AGT: variants seen among roughly 807,000 people sequenced by gnomAD.
AGT encodes alpha-1 antiproteinase, antitrypsin.
Under a neutral mutation model 28.1 loss-of-function variants are expected in AGT, and 26 were observed. The observed-to-expected ratio is 0.92, with a 90% CI of 0.68 to 1.28. The LOEUF is 1.28. AGT is among the 50% of genes most tolerant of loss of function. The probability of loss-of-function intolerance (pLI) is 0.00; values close to 1 mark genes in which losing one functional copy is unlikely to be tolerated. For missense variants in AGT, 596 were observed against 592.3 expected (o/e 1.01, Z -0.06); for synonymous variants, 259 against 259.6 (o/e 1.00, Z 0.02).
At position 230,710,050 on chromosome 1, in the gene AGT, C is replaced by G; in HGVS notation, c.774G>C (p.Leu258=). 1.2e-6 allele frequency: 2 copies of G among 1,614,096 alleles called. No individual in the cohort carries two copies. Among genetic ancestry groups the G allele is most frequent in the Non-Finnish European group, 1.7e-6 (2 of 1,180,010 alleles). Residue 258 remains leucine (L), a synonymous_variant, in exon 2 of 5, where the codon CTG becomes CTC. Coordinates refer to ENST00000366667, the MANE Select transcript of AGT (RefSeq NM_001384479.1). ...AVTGWKTGCS[L]MGASVDSTLA... The stretch of plus-strand genomic sequence containing the variant: ...GGGTGCTGTCCACACTGGCTCCCAT[C>G]AGGGAGCAGCCAGTCTTCCATCCTG...
chr1:230,730,956 G>T (rs1163186660), intron 1 of AGT, among the ~76,000 whole-genome samples: 1 of 152,122 alleles, frequency 6.6e-6, no homozygotes, highest in Non-Finnish European at 1.5e-5. Flanking sequence ...GAGTAGTTAT[G>T]AATTAACCTA....
At chr1:230,722,774 T>G (rs1663873412) in intron 1 of AGT, among the ~76,000 whole-genome samples, 1 of 152,206 alleles carries the variant, frequency 6.6e-6, no homozygotes, top group South Asian at 2.1e-4. Flanking sequence ...GTAACTAACT[T>G]GCTTTTGATT....
intron 1 of AGT, among the ~76,000 whole-genome samples, chr1:230,726,855 T>C (rs1039043045): frequency 2.0e-5 from 3 of 152,208 alleles, no homozygotes; most frequent in African/African-American, 7.2e-5. Flanking sequence ...CCAGATGCTA[T>C]GTCTCCCCAA....
At chr1:230,709,866 C>T (rs1392754238) in intron 2 of AGT, 129 bp downstream of exon 2, 3 of 1,403,512 alleles carry the variant, frequency 2.1e-6, no homozygotes, top group African/African-American at 2.8e-5. Context: ...TTCCCCACTT[C>T]TCAAGGGTGG....
In AGT at chr1:230,732,717, C is replaced by T. The variant is rs74866742; in HGVS notation, c.-31+12798G>A. ...GTAACAAAGAGAAAACATATTTACTCTCCATTAAATGGAAGTGGATCATCA... is the reference window on the plus strand; with the variant it reads ...GTAACAAAGAGAAAACATATTTACTTTCCATTAAATGGAAGTGGATCATCA... On this transcript the variant is annotated intron_variant, in intron 1 of 4. Transcript: ENST00000681269. 9.2e-3 allele frequency among the ~76,000 whole-genome samples: 1,397 copies of T among 152,254 alleles called. 8 individuals are homozygous for T. Among genetic ancestry groups the T allele is most frequent in the African/African-American group, 0.028 (1,162 of 41,518 alleles).
intron 1 of AGT, among the ~76,000 whole-genome samples, chr1:230,732,477 G>T (rs1016649383): frequency 6.6e-6 from 1 of 151,996 alleles, no homozygotes; most frequent in Non-Finnish European, 1.5e-5. Context: ...CAGCACTGGG[G>T]TTAGAGGCAC....
upstream of AGT, among the ~76,000 whole-genome samples, chr1:230,719,406 G>T (rs55918707): frequency 8.6e-4 from 86 of 100,226 alleles, no homozygotes; most frequent in East Asian, 8.3e-3. Flanking sequence ...TTATCATTAT[G>T]TTTTTTTTTT....
chr1:230,744,854 A>T (rs1664314907), intron 1 of AGT, among the ~76,000 whole-genome samples: 1 of 152,182 alleles, frequency 6.6e-6, no homozygotes, highest in Non-Finnish European at 1.5e-5. Flanking sequence ...ATTTACTTCA[A>T]GGTCCTTTCT....
At position 230,705,796 on chromosome 1, in the gene AGT, C is replaced by T. The variant is rs530553482; in HGVS notation, c.1097+137G>A. The T allele has an allele frequency of 2.6e-5, 29 of 1,132,910 alleles. No individual in the cohort carries two copies. The African/African-American group carries it at 3.5e-4, about 14-fold the overall frequency. 70.2% of individuals were successfully genotyped at this position (1,132,910 alleles called of 1,614,324 possible). A position where few individuals can be genotyped will look rare whatever the true frequency, so the allele number is the denominator to read the frequency against. ...GGTAGACAGACACACAGGCCGCCTGCCCAGCCCCGTGCCACCGCGGCCCTG... is the reference window on the plus strand; with the variant it reads ...GGTAGACAGACACACAGGCCGCCTGTCCAGCCCCGTGCCACCGCGGCCCTG... On this transcript the variant is annotated intron_variant, in intron 3 of 4. Transcript: ENST00000366667.
rs777150551 is a variant in AGT at position 230,704,175 on chromosome 1, A to G, written c.1242+18T>C. The G allele has an allele frequency of 6.2e-7, 1 of 1,614,236 alleles. No individual in the cohort carries two copies. Among genetic ancestry groups the G allele is most frequent in the Admixed American group, 1.7e-5 (1 of 60,030 alleles). ...CACTTGGAACCCAGGTCAGGCACAG[A>G]CACAGGCTCACACATACCTCCCCCA... On this transcript the variant is annotated intron_variant, in intron 4 of 4. Coordinates refer to ENST00000366667, the MANE Select transcript of AGT (RefSeq NM_001384479.1).
Position 230,710,683 on chromosome 1 carries a change from C to T in AGT, c.141G>A (p.Lys47=), listed in dbSNP as rs763957741. 3.7e-6 allele frequency: 6 copies of T among 1,614,084 alleles called. No homozygotes were observed. The highest frequency in any genetic ancestry group is 3.3e-5 in the Admixed American group (2 of 60,006). ...GGTCTTTGGGCTTCCCGGCATTGGC[C>T]TTTGCCAGCTGCTCACAGGTACTCT... ...HNESTCEQLA[K]ANAGKPKDPT... The change falls in exon 2 of 5, where the codon AAG becomes AAA. Residue 47 remains lysine, a synonymous_variant. Coordinates refer to ENST00000366667, the MANE Select transcript of AGT (RefSeq NM_001384479.1).
At chr1:230,735,585 C>G (rs910601343) in intron 1 of AGT, among the ~76,000 whole-genome samples, 1 of 152,088 alleles carries the variant, frequency 6.6e-6, no homozygotes, top group African/African-American at 2.4e-5. Context: ...CCTGGGCTGA[C>G]TCACCTGGTG....
intron 1 of AGT, among the ~76,000 whole-genome samples, chr1:230,743,511 C>T (rs568147342): frequency 6.6e-6 from 1 of 152,320 alleles, no homozygotes; most frequent in South Asian, 2.1e-4. Flanking sequence ...CAGCCCCTCT[C>T]ACCTGGACAC....
chr1:230,716,899 TG>T (rs982978719), upstream of AGT, among the ~76,000 whole-genome samples: 19 of 151,904 alleles, frequency 1.3e-4, no homozygotes, highest in African/African-American at 4.3e-4. Flanking sequence ...CAGGTGCTAT[TG>T]GGATATGTAG....
chr1:230,709,913 C>T, intron 2 of AGT, 82 bp downstream of exon 2: 1 of 1,598,572 alleles, frequency 6.3e-7, no homozygotes, highest in Non-Finnish European at 8.6e-7. Flanking sequence ...CCCTGCCCAT[C>T]TCCAAGGCCT....
chr1:230,710,486 C>A lies in AGT; in HGVS notation c.338G>T (p.Ser113Ile). The change falls in exon 2 of 5, where the codon AGT (serine) becomes ATT (isoleucine). Residue 113 changes from serine (S) to isoleucine (I), a missense_variant. By Grantham distance (142) the Ser-to-Ile change is moderately radical. Coordinates refer to ENST00000366667, the MANE Select transcript of AGT (RefSeq NM_001384479.1). ...FLGFRIYGMH[S>I]ELWGVVHGAT... ...CCCATGGACCACGCCCCATAGCTCACTGTGCATGCCATATATACGGAAGCC... is the reference window on the plus strand; with the variant it reads ...CCCATGGACCACGCCCCATAGCTCAATGTGCATGCCATATATACGGAAGCC... 6.2e-7 allele frequency: 1 copy of A among 1,614,236 alleles called. No individual in the cohort carries two copies. The highest frequency in any genetic ancestry group is 8.5e-7 in the Non-Finnish European group (1 of 1,180,040).
At chr1:230,719,978 C>T (rs1663812842) in intron 1 of AGT, among the ~76,000 whole-genome samples, 1 of 152,092 alleles carries the variant, frequency 6.6e-6, no homozygotes, top group African/African-American at 2.4e-5. Flanking sequence ...AAACCTGTCT[C>T]CCTGAGATGG....
chr1:230,737,796 ATATT>A (rs1350534970), intron 1 of AGT, among the ~76,000 whole-genome samples: 6 of 152,312 alleles, frequency 3.9e-5, no homozygotes, highest in African/African-American at 1.2e-4. Context: ...GATTTTTAGC[ATATT>A]TAGAGTTGTG....
At chr1:230,710,912 C>G in intron 1 of AGT, 59 bp from the exon 2 acceptor site, 1 of 1,568,904 alleles carries the variant, frequency 6.4e-7, no homozygotes, top group Non-Finnish European at 8.7e-7. Context: ...TAAGTGCCAT[C>G]TAACCAGATC....
Sources: gnomAD v4.1 joint callset for allele counts (sites outside exome capture counted in the v4.1 genomes callset) on GRCh38, gnomAD v4.1.1 for gene constraint, MANE v1.5 for transcripts, NCBI Gene and HGNC (gene_info 2026-07-23, HGNC 2026-07-21) for gene names.